The following HOXB2 variants were observed in gnomAD, a reference collection of about 807,000 sequenced individuals.
The protein encoded by HOXB2 is homeobox protein Hox-B2.
In HOXB2, 14 loss-of-function variants were observed where a neutral mutation model predicts 13.1. The ratio of observed to expected loss-of-function variants is 1.07; its 90% CI spans 0.71 to 1.67. HOXB2 has a LOEUF of 1.67. Among genes scored for constraint, HOXB2 ranks in the 40% most tolerant of loss-of-function variants. HOXB2 has a pLI of 0.00. For missense variants in HOXB2, 582 were observed against 488.3 expected (o/e 1.19, Z -1.81); for synonymous variants, 261 against 233.1 (o/e 1.12, Z -1.09).
chr17:48,544,985 C>A lies in HOXB2; in HGVS notation c.-74G>T, dbSNP rs866961469. The A allele has an allele frequency of 1.7e-6, 2 of 1,161,992 alleles. No individual in the cohort carries two copies. The highest frequency in any genetic ancestry group is 2.4e-6 in the Non-Finnish European group (2 of 846,142). 72.0% of individuals were successfully genotyped at this position (1,161,992 alleles called of 1,614,324 possible). ...AGGATCGGAAGGGACCCCCCTCCTG[C>A]ACCCCCCCCGATTTATGTAATGGAG... is the stretch of plus-strand genomic sequence containing the variant. On this transcript the variant is annotated 5_prime_UTR_variant, in exon 1 of 2. Transcript: ENST00000330070.
At chr17:48,544,058 C>G (rs1182725569) in intron 1 of HOXB2, 1 of 1,233,782 alleles carries the variant, frequency 8.1e-7, no homozygotes, top group Non-Finnish European at 1.0e-6. Flanking sequence ...CCCCTCAATT[C>G]GGAACTTTCC....
chr17:48,544,368 A>T, intron 1 of HOXB2, 153 bp downstream of exon 1: 1 of 1,426,704 alleles, frequency 7.0e-7, no homozygotes, highest in Non-Finnish European at 9.1e-7. Flanking sequence ...GCCAGGCCTG[A>T]ACCCCAGTGG....
rs2068525320 is a variant in HOXB2, at chr17:48,543,436, G to A, written c.703C>T (p.Pro235Ser). 1.3e-6 allele frequency: 2 copies of A among 1,596,380 alleles called. No homozygotes were observed. Among genetic ancestry groups the A allele is most frequent in the Non-Finnish European group, 1.7e-6 (2 of 1,173,610 alleles). Reference protein sequence around the residue: ...AEEPAASPGGPSASRAAWEAC... With the variant: ...AEEPAASPGGSSASRAAWEAC... ...TCCCACGCCGCCCGCGAGGCGGAGGGGCCGCCCGGGCTGGCCGCGGGTTCC... is the reference window on the plus strand; with the variant it reads ...TCCCACGCCGCCCGCGAGGCGGAGGAGCCGCCCGGGCTGGCCGCGGGTTCC... The change falls in exon 2 of 2, where the codon CCC (proline) becomes TCC (serine). Residue 235 changes from proline (P) to serine (S), a missense_variant. Transcript: ENST00000330070.
Position 48,544,558 on chromosome 17 carries a change from G to A in HOXB2, c.354C>T (p.Ala118=). ...CGACCCCGGAGGCCGGAACGGCGGA[G>A]GCGGCCGGAGAAGGAGACGTGGCGG... ...SQSATSPSPA[A]SAVPASGVGS... Residue 118 remains alanine (A), a synonymous_variant, in exon 1 of 2, where the codon GCC becomes GCT. Transcript: ENST00000330070. The A allele has an allele frequency of 6.2e-7, 1 of 1,606,970 alleles. No individual in the cohort carries two copies. The highest frequency in any genetic ancestry group is 8.5e-7 in the Non-Finnish European group (1 of 1,179,892).
Position 48,543,069 on chromosome 17 carries a change from T to C in HOXB2, c.1070A>G (p.Ter357=), listed in dbSNP as rs767753475. ...TLCAIDLQFP[*] ...AAAGGACCGGGAGGAGGAAACAGGT[T>C]AGGGAAACTGCAGGTCGATGGCACA... is the stretch of plus-strand genomic sequence containing the variant. Residue 357 remains the stop codon, a stop_retained_variant, in exon 2 of 2, where the codon TAA becomes TGA. Transcript: ENST00000330070. The C allele has an allele frequency of 1.3e-6, 2 of 1,586,290 alleles. No homozygotes were observed. Among genetic ancestry groups the C allele is most frequent in the Non-Finnish European group, 1.7e-6 (2 of 1,167,354 alleles).
chr17:48,543,783 G>C (rs770536743), intron 1 of HOXB2, 36 bp from the exon 2 acceptor site: 6 of 1,552,344 alleles, frequency 3.9e-6, no homozygotes, highest in African/African-American at 1.4e-5. Flanking sequence ...ATAGCGGGCC[G>C]TGTACTCAGC....
Position 48,543,292 on chromosome 17 carries a change from C to A in HOXB2, c.847G>T (p.Gly283Cys), listed in dbSNP as rs1178598600. The A allele has an allele frequency of 2.5e-6, 4 of 1,603,268 alleles. No individual in the cohort carries two copies. Among genetic ancestry groups the A allele is most frequent in the African/African-American group, 2.7e-5 (2 of 74,566 alleles). The change falls in exon 2 of 2, where the codon GGC (glycine) becomes TGC (cysteine). Residue 283 changes from glycine to cysteine, a missense_variant. Coordinates refer to ENST00000330070, the MANE Select transcript of HOXB2 (RefSeq NM_002145.4). ...GGCAATGGCCCGGGCTCCAGCCCGC[C>A]GGCCCCGCGCAGCGCGCAGCCGGGA... is the stretch of plus-strand genomic sequence containing the variant. ...SSPGCALRGA[G>C]GLEPGPLPED...
chr17:48,544,229 C>G (rs918351385), intron 1 of HOXB2: 5 of 1,344,522 alleles, frequency 3.7e-6, no homozygotes, highest in African/African-American at 1.5e-5. Context: ...TACACAGATA[C>G]GGGTGAAAAC....
chr17:48,543,919 C>T (rs2068536457), intron 1 of HOXB2, 172 bp from the exon 2 acceptor site: 1 of 1,403,942 alleles, frequency 7.1e-7, no homozygotes, highest in Non-Finnish European at 9.2e-7. Flanking sequence ...TTCTCTCCCT[C>T]TCTAGTCTAC....
Position 48,543,297 on chromosome 17 carries a change from C to G in HOXB2, c.842G>C (p.Gly281Ala). Residue 281 changes from glycine (G) to alanine (A), a missense_variant, in exon 2 of 2, where the codon GGG (glycine) becomes GCG (alanine). By Grantham distance (60) the Gly-to-Ala change is moderately conservative (BLOSUM62 0). Transcript: ENST00000330070. ...TGGCCCGGGCTCCAGCCCGCCGGCCCCGCGCAGCGCGCAGCCGGGACTCGA... is the reference window on the plus strand; with the variant it reads ...TGGCCCGGGCTCCAGCCCGCCGGCCGCGCGCAGCGCGCAGCCGGGACTCGA... ...GASSPGCALRGAGGLEPGPLP... is the reference protein window; with the variant it reads ...GASSPGCALRAAGGLEPGPLP... 6.2e-7 allele frequency: 1 copy of G among 1,603,172 alleles called. No homozygotes were observed. The highest frequency in any genetic ancestry group is 1.3e-5 in the African/African-American group (1 of 74,694).
At chr17:48,544,051 C>T in intron 1 of HOXB2, 1 of 1,249,144 alleles carries the variant, frequency 8.0e-7, no homozygotes, top group Non-Finnish European at 1.0e-6. Context: ...CAGTGGACCC[C>T]TCAATTCGGA....
At chr17:48,543,815 C>A in intron 1 of HOXB2, 68 bp from the exon 2 acceptor site, 2 of 1,494,346 alleles carry the variant, frequency 1.3e-6, no homozygotes, top group Non-Finnish European at 8.9e-7. Context: ...TCGGACTACC[C>A]CATCCTCCAA....
Position 48,543,079 on chromosome 17 carries a change from G to C in HOXB2, c.1060C>G (p.Gln354Glu). 1 of 1,600,484 alleles carries C rather than the reference G, an allele frequency of 6.2e-7. No individual in the cohort carries two copies. The highest frequency in any genetic ancestry group is 8.5e-7 in the Non-Finnish European group (1 of 1,173,974). Residue 354 changes from glutamine (Q) to glutamate (E), a missense_variant, in exon 2 of 2, where the codon CAG becomes GAG. Transcript: ENST00000330070. ...FTSTLCAIDL[Q>E]FP The stretch of plus-strand genomic sequence containing the variant: ...GAGGAGGAAACAGGTTAGGGAAACT[G>C]CAGGTCGATGGCACAGAGCGTACTG...
Position 48,544,761 on chromosome 17 carries a change from G to C in HOXB2, c.151C>G (p.Gln51Glu). 6.2e-7 allele frequency: 1 copy of C among 1,614,132 alleles called. No individual in the cohort carries two copies. The highest frequency in any genetic ancestry group is 8.5e-7 in the Non-Finnish European group (1 of 1,180,034). The change falls in exon 1 of 2, where the codon CAA (glutamine) becomes GAA (glutamate). Residue 51 changes from glutamine (Q) to glutamate (E), a missense_variant. Physicochemically the swap from Gln to Glu is conservative, Grantham distance 29. Coordinates refer to ENST00000330070, the MANE Select transcript of HOXB2 (RefSeq NM_002145.4). ...TLIPPPPPFE[Q>E]TFPSLQPGAS... is the part of the protein sequence containing the mutation. ...CCGGGCTGGAGGCTGGGGAAGGTTT[G>C]CTCGAAAGGAGGAGGAGGAGGAATT...
chr17:48,544,849 A>G lies in HOXB2; in HGVS notation c.63T>C (p.Cys21=). The G allele has an allele frequency of 6.2e-7, 1 of 1,610,670 alleles. No homozygotes were observed. The highest frequency in any genetic ancestry group is 1.3e-5 in the African/African-American group (1 of 74,260). ...FINSQPSLAE[C]LTSFPAVLET... is the part of the protein sequence containing the mutation. ...CCAAGACAGCGGGGAAGGAAGTCAG[A>G]CACTCGGCGAGCGACGGCTGGCTGT... The change falls in exon 1 of 2, where the codon TGT becomes TGC. Residue 21 remains cysteine (C), a synonymous_variant. Coordinates refer to ENST00000330070, the MANE Select transcript of HOXB2 (RefSeq NM_002145.4).
At chr17:48,544,061 A>T (rs2144706131) in intron 1 of HOXB2, 1 of 985,120 alleles carries the variant, frequency 1.0e-6, no homozygotes, top group African/African-American at 1.7e-5. Context: ...CTCAATTCGG[A>T]ACTTTCCAAC....
Position 48,543,655 on chromosome 17 carries a change from A to G in HOXB2, c.484T>C (p.Phe162Leu). Residue 162 changes from phenylalanine (F) to leucine (L), a missense_variant, in exon 2 of 2, where the codon TTC becomes CTC. Physicochemically the swap from Phe to Leu is conservative, Grantham distance 22. Transcript: ENST00000330070. The stretch of plus-strand genomic sequence containing the variant: ...CGGCACAGGTACTTATTAAAGTGGA[A>G]TTCCTTCTCCAGTTCCAGCAGCTGC... ...NTQLLELEKE[F>L]HFNKYLCRPR... 6.2e-7 allele frequency: 1 copy of G among 1,613,374 alleles called. No homozygotes were observed. The highest frequency in any genetic ancestry group is 8.5e-7 in the Non-Finnish European group (1 of 1,179,922).
At chr17:48,544,291 C>T (rs2068542627) in intron 1 of HOXB2, 2 of 1,370,932 alleles carry the variant, frequency 1.5e-6, no homozygotes, top group Non-Finnish European at 1.9e-6. Flanking sequence ...CCCCAACCAG[C>T]TTCCAAAATC....
Position 48,544,930 on chromosome 17 carries a change from AGGGGGCTGCTGGGGGG to A in HOXB2, c.-35_-20del. The A allele has an allele frequency of 3.3e-6, 1 of 305,124 alleles. No individual in the cohort carries two copies. The highest frequency in any genetic ancestry group is 5.3e-6 in the Non-Finnish European group (1 of 190,228). 18.9% of individuals were successfully genotyped at this position (305,124 alleles called of 1,614,324 possible). On this transcript the variant is annotated 5_prime_UTR_variant, in exon 1 of 2. Coordinates refer to ENST00000330070, the MANE Select transcript of HOXB2 (RefSeq NM_002145.4). ...AATTCATGGCTTTCAATGGTGGGGG[AGGGGGCTGCTGGGGGG>A]GGCGTCAGGAGGGAGGATCGGAAGG... is the stretch of plus-strand genomic sequence containing the variant.
Sources: gnomAD v4.1 joint callset for allele counts on GRCh38, gnomAD v4.1.1 for gene constraint, MANE v1.5 for transcripts, NCBI Gene and HGNC (gene_info 2026-07-23, HGNC 2026-07-21) for gene names.